The following DSCAM variants were observed in gnomAD, a reference collection of about 807,000 sequenced individuals.
The protein encoded by DSCAM is cell adhesion molecule DSCAM.
In DSCAM, 47 loss-of-function variants were observed where a neutral mutation model predicts 217.7. The ratio of observed to expected loss-of-function variants is 0.22; its 90% CI spans 0.17 to 0.28. The LOEUF is 0.28. Ranked by LOEUF, DSCAM falls within the 10% of genes least tolerant of loss-of-function variation. The pLI, the probability that DSCAM is intolerant of heterozygous loss-of-function variation, is 1.00. For synonymous variants in DSCAM, 1,056 were observed against 1,015.3 expected (o/e 1.04, Z -0.76); for missense variants, 2,080 against 2,618.3 (o/e 0.79, Z 4.49).
rs1454817316 is a variant in DSCAM at position 40,124,448 on chromosome 21, G to T, written c.3563-120C>A. On this transcript the variant is annotated intron_variant, in intron 19 of 32. Transcript: ENST00000400454. ...CAGCTCTTTCAGGATGAGCGTTATG[G>T]GTTCCGCTGTGTCCCCCCAAATGCA... 2.3e-6 allele frequency: 3 copies of T among 1,296,950 alleles called. No homozygotes were observed. The East Asian group carries it at 7.2e-5, about 31-fold the overall frequency. The allele number at this position is 1,296,950 out of a possible 1,614,324, so 80.3% of individuals were successfully genotyped here. A position where few individuals can be genotyped will look rare whatever the true frequency, so the allele number is the denominator to read the frequency against.
Position 40,560,366 on chromosome 21 carries a change from G to A in DSCAM, c.508+132444C>T, listed in dbSNP as rs894495178. ...GACCCCCTGTGTGGGGTGGAAAGCTGGAGGTAAGGATCCGGAAATTCCTGG... is the reference window on the plus strand; with the variant it reads ...GACCCCCTGTGTGGGGTGGAAAGCTAGAGGTAAGGATCCGGAAATTCCTGG... On this transcript the variant is annotated intron_variant, in intron 3 of 32. Coordinates refer to ENST00000400454, the MANE Select transcript of DSCAM (RefSeq NM_001389.5). Among the ~76,000 whole-genome samples the A allele has an allele frequency of 1.9e-4, 29 of 152,248 alleles. No individual in the cohort carries two copies. The South Asian group carries it at 5.2e-3, about 27-fold the overall frequency.
At chr21:40,701,094 G>A (rs559202227) in intron 2 of DSCAM, among the ~76,000 whole-genome samples, 11 of 152,242 alleles carry the variant, frequency 7.2e-5, no homozygotes, top group African/African-American at 2.4e-4. Context: ...AGCCATTTGA[G>A]CCAGGAATTT....
At position 40,144,326 on chromosome 21, in the gene DSCAM, G is replaced by C. The variant is rs528136631; in HGVS notation, c.3259+165C>G. Among the ~76,000 whole-genome samples, 1 of 152,178 alleles carries C rather than the reference G, an allele frequency of 6.6e-6. No homozygotes were observed. The highest frequency in any genetic ancestry group is 6.5e-5 in the Admixed American group (1 of 15,290). Reference sequence around the variant, plus strand: ...TGCCCCAGGGCGGGCAGATCAGCGGGGTGGGCGAGGTCACGAGGGAAGGCT... The same window carrying C: ...TGCCCCAGGGCGGGCAGATCAGCGGCGTGGGCGAGGTCACGAGGGAAGGCT... On this transcript the variant is annotated intron_variant, in intron 17 of 32. Transcript: ENST00000400454. The surrounding 1 kb of genome is among the most constrained non-coding windows in gnomAD (Gnocchi z 4.8).
At position 40,178,910 on chromosome 21, in the gene DSCAM, C is replaced by T. The variant is rs761417194; in HGVS notation, c.2947+17G>A. Reference sequence around the variant, plus strand: ...CCCGGGCTCCTCTGGAGCAAGGTTCCGCCCGGTCCCACGTACCTGCCTCGT... The same window carrying T: ...CCCGGGCTCCTCTGGAGCAAGGTTCTGCCCGGTCCCACGTACCTGCCTCGT... On this transcript the variant is annotated intron_variant, in intron 15 of 32. Transcript: ENST00000400454. 1 of 1,612,422 alleles carries T rather than the reference C, an allele frequency of 6.2e-7. No individual in the cohort carries two copies. Among genetic ancestry groups the T allele is most frequent in the Non-Finnish European group, 8.5e-7 (1 of 1,179,876 alleles).
intron 4 of DSCAM, among the ~76,000 whole-genome samples, chr21:40,360,137 T>G (rs1215252530): frequency 1.5e-5 from 2 of 137,146 alleles, no homozygotes; most frequent in Non-Finnish European, 3.1e-5. Context: ...TTTTTTTTTT[T>G]TTTTTTTTTT....
intron 8 of DSCAM, among the ~76,000 whole-genome samples, chr21:40,321,833 A>G (rs76516004): frequency 0.024 from 3,708 of 152,098 alleles, 182 homozygotes; most frequent in East Asian, 0.24. Context: ...GGGCTCTTAC[A>G]TGTGAGCAAC....
intron 9 of DSCAM, among the ~76,000 whole-genome samples, chr21:40,307,832 A>G (rs891670354): frequency 1.3e-5 from 2 of 151,798 alleles, no homozygotes; most frequent in East Asian, 1.9e-4. Flanking sequence ...CTATCACAAG[A>G]ACAAAAAACC....
intron 30 of DSCAM, among the ~76,000 whole-genome samples, chr21:40,050,671 C>T (rs965387092): frequency 7.2e-5 from 11 of 152,200 alleles, no homozygotes; most frequent in South Asian, 6.2e-4. Context: ...TTAGTAGAGA[C>T]GAGGTTTCAC....
chr21:40,377,967 G>GA lies in DSCAM; in HGVS notation c.509-8723dup, dbSNP rs2074980238. ...AACATCCATGTAAGAACCTGACAGA[G>GA]AAAAGCACTTTAGAGTAGCTCTAAT... On this transcript the variant is annotated intron_variant, in intron 3 of 32. Coordinates refer to ENST00000400454, the MANE Select transcript of DSCAM (RefSeq NM_001389.5). Among the ~76,000 whole-genome samples, 2 of 152,156 alleles carry GA rather than the reference G, an allele frequency of 1.3e-5. 1 individual carries two copies. The highest frequency in any genetic ancestry group is 4.1e-4 in the South Asian group (2 of 4,826).
intron 3 of DSCAM, among the ~76,000 whole-genome samples, chr21:40,552,739 T>G (rs921684853): frequency 6.6e-6 from 1 of 152,212 alleles, no homozygotes. Flanking sequence ...TGAATTAGCA[T>G]ATACACAATG....
In DSCAM at chr21:40,132,740, C is replaced by T. The variant is rs11909327; in HGVS notation, c.3562+1114G>A. 6.0e-3 allele frequency among the ~76,000 whole-genome samples: 919 copies of T among 152,268 alleles called. 11 individuals are homozygous for T. The highest frequency in any genetic ancestry group is 0.02 in the African/African-American group (849 of 41,546). On this transcript the variant is annotated intron_variant, in intron 19 of 32. Coordinates refer to ENST00000400454, the MANE Select transcript of DSCAM (RefSeq NM_001389.5). ...GTGGAAGATGGCAGGCTCAGAATAACAGGGAGTCATTGTCAGGGGCAGAAA... is the reference window on the plus strand; with the variant it reads ...GTGGAAGATGGCAGGCTCAGAATAATAGGGAGTCATTGTCAGGGGCAGAAA...
At chr21:40,192,092 C>T (rs1050002776) in intron 11 of DSCAM, among the ~76,000 whole-genome samples, 3 of 152,082 alleles carry the variant, frequency 2.0e-5, no homozygotes, top group Admixed American at 2.0e-4. Flanking sequence ...CCATTATAAC[C>T]TGTATACAAA....
intron 1 of DSCAM, among the ~76,000 whole-genome samples, chr21:40,786,862 C>G (rs1293102923): frequency 2.0e-5 from 3 of 152,280 alleles, no homozygotes; most frequent in Middle Eastern, 3.4e-3. Flanking sequence ...AATCATCAGT[C>G]AGTCCCCAAA....
chr21:40,692,731 G>A (rs754867957), intron 3 of DSCAM, 79 bp downstream of exon 3: 350 of 1,502,780 alleles, frequency 2.3e-4, no homozygotes, highest in Middle Eastern at 1.6e-3. Flanking sequence ...ACACATAAAC[G>A]GAGACCCGAT....
In DSCAM at chr21:40,175,447, G is replaced by C. The variant is rs150215797; in HGVS notation, c.2947+3480C>G. On this transcript the variant is annotated intron_variant, in intron 15 of 32. Transcript: ENST00000400454. ...TATTTCTTACAGAAATTTATTTCTAGAGGCTGACAATTCCAAGATCAAGAT... is the reference window on the plus strand; with the variant it reads ...TATTTCTTACAGAAATTTATTTCTACAGGCTGACAATTCCAAGATCAAGAT... 3.4e-3 allele frequency among the ~76,000 whole-genome samples: 514 copies of C among 152,212 alleles called. 3 individuals carry two copies. The highest frequency in any genetic ancestry group is 5.6e-3 in the Non-Finnish European group (380 of 68,016).
intron 3 of DSCAM, among the ~76,000 whole-genome samples, chr21:40,442,368 C>G (rs979177430): frequency 2.0e-5 from 3 of 150,852 alleles, no homozygotes; most frequent in African/African-American, 7.3e-5. Flanking sequence ...TTAAAATTTA[C>G]TAGTTTTTTA....
At chr21:40,705,787 T>C (rs1186453779) in intron 2 of DSCAM, among the ~76,000 whole-genome samples, 1 of 152,208 alleles carries the variant, frequency 6.6e-6, no homozygotes, top group East Asian at 1.9e-4. Flanking sequence ...AGTTAAACCC[T>C]ATCAGCCTCA....
chr21:40,201,740 A>G (rs967566930), intron 11 of DSCAM, among the ~76,000 whole-genome samples: 1 of 152,198 alleles, frequency 6.6e-6, no homozygotes, highest in Non-Finnish European at 1.5e-5. Flanking sequence ...TGTACTCAGC[A>G]GAAAACTTCT....
intron 32 of DSCAM, among the ~76,000 whole-genome samples, chr21:40,022,695 T>C (rs781684944): frequency 6.6e-6 from 1 of 152,166 alleles, no homozygotes; most frequent in East Asian, 1.9e-4. Flanking sequence ...TGTCTCTGCC[T>C]CTGCTTCTGC....
Sources: gnomAD v4.1 joint callset for allele counts (sites outside exome capture counted in the v4.1 genomes callset) on GRCh38, gnomAD v4.1.1 for gene constraint, Gnocchi (gnomAD v3.1) non-coding constraint, MANE v1.5 for transcripts, NCBI Gene and HGNC (gene_info 2026-07-23, HGNC 2026-07-21) for gene names.